The following THSD4 variants were observed in gnomAD, a reference collection of about 807,000 sequenced individuals.
The protein encoded by THSD4 is thrombospondin type-1 domain-containing protein 4.
THSD4 carries 69 observed loss-of-function variants against 119.0 expected under a neutral mutation model. That is an observed-to-expected ratio of 0.58 (90% CI 0.48 to 0.71). The LOEUF is 0.71. Ranked by LOEUF, THSD4 falls within the 30% of genes least tolerant of loss-of-function variation. The pLI, the probability that THSD4 is intolerant of heterozygous loss-of-function variation, is 0.00. For missense variants in THSD4, 1,393 were observed against 1,391.1 expected, an observed-to-expected ratio of 1.00 and a Z score of -0.02; for synonymous variants, 524 against 540.4, an observed-to-expected ratio of 0.97 and a Z score of 0.42.
intron 7 of THSD4, among the ~76,000 whole-genome samples, chr15:71,478,129 C>T (rs766444155): frequency 2.0e-5 from 3 of 152,104 alleles, no homozygotes; most frequent in Non-Finnish European, 4.4e-5. Flanking sequence ...CCCCTGGGGT[C>T]GGCTGCGTAG....
chr15:71,214,374 G>A (rs1045019280), intron 3 of THSD4, among the ~76,000 whole-genome samples: 7 of 152,242 alleles, frequency 4.6e-5, no homozygotes, highest in African/African-American at 1.7e-4. Context: ...CACTGTTTGA[G>A]TCAGTGCTAC....
At chr15:71,596,090 T>C (rs2049901716) in intron 7 of THSD4, among the ~76,000 whole-genome samples, 1 of 152,260 alleles carries the variant, frequency 6.6e-6, no homozygotes, top group Admixed American at 6.5e-5. Flanking sequence ...AGAATGTCCT[T>C]GAGGTATTCC....
chr15:71,568,170 A>AT (rs935727491), intron 7 of THSD4, among the ~76,000 whole-genome samples: 7 of 152,000 alleles, frequency 4.6e-5, no homozygotes, highest in East Asian at 1.9e-4. Context: ...CCTCAGAAAT[A>AT]TTTTTTTTAA....
At chr15:71,311,321 C>G (rs1478649918) in intron 6 of THSD4, among the ~76,000 whole-genome samples, 1 of 152,174 alleles carries the variant, frequency 6.6e-6, no homozygotes, top group African/African-American at 2.4e-5. Context: ...GTGGCAACAC[C>G]TAGCTTCAAG....
rs935885082 is a variant in THSD4, at chr15:71,444,713, T to C, written c.1152+32890T>C. Among the ~76,000 whole-genome samples the C allele has an allele frequency of 3.3e-5, 5 of 152,178 alleles. 1 individual carries two copies. In the South Asian group the frequency reaches 1.0e-3, roughly 31 times the overall value. ...GCTGGATGCCTTCTTCATTCCCACC[T>C]CTCCATGATCATTGGTGACCCAGTT... On this transcript the variant is annotated intron_variant, in intron 7 of 17. Transcript: ENST00000261862.
intron 7 of THSD4, among the ~76,000 whole-genome samples, chr15:71,595,229 G>C (rs1345656368): frequency 6.6e-6 from 1 of 152,184 alleles, no homozygotes; most frequent in African/African-American, 2.4e-5. Flanking sequence ...GAATCCTAAA[G>C]ATTTGTTTTA....
At position 71,747,472 on chromosome 15, in the gene THSD4, A is replaced by G. The variant is rs117617301; in HGVS notation, c.2241+430A>G. Reference sequence around the variant, plus strand: ...TTGATAAAAGATTTATTGGAAGCCAATGTAAGGATCAGCCCAAGAAGACAC... The same window carrying G: ...TTGATAAAAGATTTATTGGAAGCCAGTGTAAGGATCAGCCCAAGAAGACAC... On this transcript the variant is annotated intron_variant, in intron 13 of 17. Coordinates refer to ENST00000261862, the MANE Select transcript of THSD4 (RefSeq NM_024817.3). 2.2e-3 allele frequency among the ~76,000 whole-genome samples: 340 copies of G among 152,380 alleles called. 1 individual carries two copies. The highest frequency in any genetic ancestry group is 3.3e-3 in the Non-Finnish European group (227 of 68,042).
chr15:71,431,317 T>G (rs2046940600), intron 7 of THSD4, among the ~76,000 whole-genome samples: 2 of 152,166 alleles, frequency 1.3e-5, no homozygotes, highest in African/African-American at 4.8e-5. Context: ...TTATTAAAAT[T>G]TTTATACAGT....
At chr15:71,153,632 A>G (rs182688530) in intron 2 of THSD4, among the ~76,000 whole-genome samples, 2 of 152,156 alleles carry the variant, frequency 1.3e-5, no homozygotes, top group Non-Finnish European at 2.9e-5. Context: ...AGCTTTATCT[A>G]ACTCCACAAG....
At chr15:71,735,709 G>C (rs2053077435) in intron 10 of THSD4, among the ~76,000 whole-genome samples, 1 of 127,196 alleles carries the variant, frequency 7.9e-6, no homozygotes, top group Admixed American at 7.8e-5. Flanking sequence ...TGTCTCTCTT[G>C]CTCTCTGTCT....
upstream of THSD4, chr15:71,111,520 T>G: frequency 2.4e-6 from 2 of 835,866 alleles, no homozygotes; most frequent in South Asian, 3.6e-5. Flanking sequence ...TAACAGCAAG[T>G]TGACCAACTC....
intron 8 of THSD4, among the ~76,000 whole-genome samples, chr15:71,666,385 TG>T (rs1193227310): frequency 6.6e-6 from 1 of 152,186 alleles, no homozygotes; most frequent in African/African-American, 2.4e-5. Flanking sequence ...ACTTGTATTA[TG>T]GGGGTTTGTT....
intron 7 of THSD4, among the ~76,000 whole-genome samples, chr15:71,564,637 TATATTATAACATATAATACAATATATA>T (rs2049188676): frequency 8.0e-6 from 1 of 124,870 alleles, no homozygotes; most frequent in Admixed American, 8.7e-5. Flanking sequence ...ATATATATTG[TATATTATAACATATAATACAATATATA>T]GTATATTATA....
At chr15:71,275,831 C>T (rs772734035) in intron 6 of THSD4, among the ~76,000 whole-genome samples, 1 of 152,184 alleles carries the variant, frequency 6.6e-6, no homozygotes, top group African/African-American at 2.4e-5. Context: ...CATCGCCTTA[C>T]TGCCACCGTG....
chr15:71,508,708 C>G (rs948356565), intron 7 of THSD4, among the ~76,000 whole-genome samples: 1 of 152,118 alleles, frequency 6.6e-6, no homozygotes, highest in Admixed American at 6.5e-5. Flanking sequence ...ATTTGTAAAA[C>G]ACAGAAAACT....
intron 7 of THSD4, among the ~76,000 whole-genome samples, chr15:71,454,312 A>G (rs1296385803): frequency 1.3e-5 from 2 of 152,250 alleles, no homozygotes; most frequent in African/African-American, 4.8e-5. Context: ...ACCTCTAGGA[A>G]AGAATTTTTT....
chr15:71,448,208 G>A (rs376975710), intron 7 of THSD4, among the ~76,000 whole-genome samples: 1 of 152,160 alleles, frequency 6.6e-6, no homozygotes, highest in Non-Finnish European at 1.5e-5. Flanking sequence ...CTAGAAATGG[G>A]CCTTGTAAGA....
chr15:71,277,250 C>G (rs908583323), intron 6 of THSD4, among the ~76,000 whole-genome samples: 22 of 151,250 alleles, frequency 1.5e-4, no homozygotes, highest in Admixed American at 1.4e-3. Context: ...CTCAGCCTCC[C>G]GAGGAGCTGG....
chr15:71,693,624 T>C (rs991393207), intron 8 of THSD4, among the ~76,000 whole-genome samples: 40 of 152,102 alleles, frequency 2.6e-4, no homozygotes, highest in African/African-American at 8.9e-4. Context: ...TGGCTGTGTC[T>C]CCACCCAAAT....
Sources: gnomAD v4.1 joint callset for allele counts (sites outside exome capture counted in the v4.1 genomes callset) on GRCh38, gnomAD v4.1.1 for gene constraint, MANE v1.5 for transcripts, NCBI Gene and HGNC (gene_info 2026-07-23, HGNC 2026-07-21) for gene names.